SYNPO2: variants seen among roughly 807,000 people sequenced by gnomAD.
SYNPO2 encodes the protein synaptopodin-2.
A neutral mutation model predicts 85.0 loss-of-function variants in SYNPO2; 56 were observed. The ratio of observed to expected loss-of-function variants is 0.66; its 90% CI spans 0.53 to 0.82. SYNPO2 has a LOEUF of 0.82. Among genes scored for constraint, SYNPO2 ranks in the 40% least tolerant of loss-of-function variants. SYNPO2 has a pLI of 0.00. For missense variants in SYNPO2, 1,575 were observed against 1,534.2 expected (o/e 1.03, Z -0.44); for synonymous variants, 602 against 591.1 (o/e 1.02, Z -0.27).
Position 119,031,355 on chromosome 4 carries a change from A to G in SYNPO2, c.2580A>G (p.Gly860=), listed in dbSNP as rs1578661868. ...TVNAVQPGAV[G]PSNELPGMSG... ...ATGCTGTTCAGCCTGGTGCAGTGGG[A>G]CCATCCAATGAGCTTCCAGGAATGA... The change falls in exon 4 of 5, where the codon GGA becomes GGG. Residue 860 remains glycine, a synonymous_variant. Transcript: ENST00000307142. The G allele has an allele frequency of 1.2e-6, 2 of 1,614,058 alleles. No individual in the cohort carries two copies. The highest frequency in any genetic ancestry group is 1.3e-5 in the African/African-American group (1 of 74,932).
intron 1 of SYNPO2, among the ~76,000 whole-genome samples, chr4:118,989,051 C>T (rs1366934938): frequency 2.6e-5 from 4 of 152,128 alleles, no homozygotes; most frequent in Non-Finnish European, 5.9e-5. Context: ...TTGAATTAGG[C>T]CAGAGCTAGG....
At chr4:119,046,998 AG>A (rs1472877462) in intron 4 of SYNPO2, among the ~76,000 whole-genome samples, 1 of 152,246 alleles carries the variant, frequency 6.6e-6, no homozygotes, top group Non-Finnish European at 1.5e-5. Context: ...GCTACATACA[AG>A]ACCCTATCTC....
chr4:118,878,951 C>T (rs556098332), intron 1 of SYNPO2, among the ~76,000 whole-genome samples: 3 of 152,320 alleles, frequency 2.0e-5, no homozygotes, highest in East Asian at 3.9e-4. Flanking sequence ...CGCACTACCT[C>T]TAAGAGCTGT....
intron 1 of SYNPO2, among the ~76,000 whole-genome samples, chr4:118,984,395 T>G (rs1383347237): frequency 6.6e-6 from 1 of 152,236 alleles, no homozygotes; most frequent in East Asian, 1.9e-4. Flanking sequence ...CTTCAGTTAT[T>G]CTTCTGCTCA....
chr4:118,923,143 T>G (rs1382533110), intron 1 of SYNPO2, among the ~76,000 whole-genome samples: 1 of 152,034 alleles, frequency 6.6e-6, no homozygotes, highest in Non-Finnish European at 1.5e-5. Context: ...GGAATCAACC[T>G]AAATGCCCAT....
At chr4:118,913,432 A>G (rs1733204942) in intron 1 of SYNPO2, among the ~76,000 whole-genome samples, 1 of 152,190 alleles carries the variant, frequency 6.6e-6, no homozygotes. Flanking sequence ...AAACTTTTTC[A>G]AGAACATTCC....
chr4:118,855,852 G>C (rs1731496155), intron 1 of SYNPO2, among the ~76,000 whole-genome samples: 1 of 152,034 alleles, frequency 6.6e-6, no homozygotes, highest in Non-Finnish European at 1.5e-5. Context: ...ATGATTTCTT[G>C]CACACATATA....
intron 1 of SYNPO2, among the ~76,000 whole-genome samples, chr4:118,946,097 A>G (rs1279969951): frequency 6.6e-6 from 1 of 152,178 alleles, no homozygotes; most frequent in Non-Finnish European, 1.5e-5. Flanking sequence ...GCAAGATGAC[A>G]TAAGTGTAGG....
intron 1 of SYNPO2, among the ~76,000 whole-genome samples, chr4:118,877,580 C>T (rs749144835): frequency 7.2e-5 from 11 of 152,094 alleles, no homozygotes; most frequent in Admixed American, 3.9e-4. Flanking sequence ...AAGACATATA[C>T]GCGGCCAACA....
At chr4:119,044,309 C>T (rs1337070733) in intron 4 of SYNPO2, among the ~76,000 whole-genome samples, 4 of 152,202 alleles carry the variant, frequency 2.6e-5, no homozygotes, top group African/African-American at 7.2e-5. Context: ...GAAAATCCCA[C>T]ATAGTTTATG....
At chr4:119,001,066 A>G (rs946286942) in intron 1 of SYNPO2, among the ~76,000 whole-genome samples, 1 of 152,152 alleles carries the variant, frequency 6.6e-6, no homozygotes, top group Non-Finnish European at 1.5e-5. Context: ...AAGAGGTAAA[A>G]AGTCTCTCCA....
At chr4:118,905,993 T>A (rs1272322160) in intron 1 of SYNPO2, among the ~76,000 whole-genome samples, 1 of 152,222 alleles carries the variant, frequency 6.6e-6, no homozygotes, top group East Asian at 1.9e-4. Flanking sequence ...TCTTTGAAAG[T>A]AGGAACCCCA....
At chr4:118,989,815 G>A (rs1435715805) in intron 1 of SYNPO2, among the ~76,000 whole-genome samples, 1 of 152,122 alleles carries the variant, frequency 6.6e-6, no homozygotes, top group African/African-American at 2.4e-5. Context: ...GTTCACGCAG[G>A]GACACAGACA....
At chr4:118,977,051 A>G (rs922629740) in intron 1 of SYNPO2, among the ~76,000 whole-genome samples, 16 of 152,196 alleles carry the variant, frequency 1.1e-4, no homozygotes, top group Non-Finnish European at 1.8e-4. Flanking sequence ...GTGCGCTCGC[A>G]TTCCTCAGCC....
At chr4:118,897,635 A>C (rs1033773857) in intron 1 of SYNPO2, among the ~76,000 whole-genome samples, 3 of 152,178 alleles carry the variant, frequency 2.0e-5, no homozygotes, top group African/African-American at 7.2e-5. Context: ...TTCTTGAATC[A>C]CCTTTTAAAT....
At chr4:119,032,102 T>C (rs1738300856) in intron 4 of SYNPO2, 75 bp downstream of exon 4, 1 of 1,557,524 alleles carries the variant, frequency 6.4e-7, no homozygotes, top group Non-Finnish European at 8.7e-7. Context: ...AAATGAATTG[T>C]TTGCAGTGTT....
upstream of SYNPO2, among the ~76,000 whole-genome samples, chr4:118,886,242 T>G (rs547721501): frequency 1.1e-3 from 163 of 152,246 alleles, no homozygotes; most frequent in Admixed American, 2.5e-3. Flanking sequence ...CAGAGCTCAT[T>G]TTTTAAAAAT....
At position 119,008,426 on chromosome 4, in the gene SYNPO2, T is replaced by C. The variant is rs993021467; in HGVS notation, c.106-15004T>C. ...ACATTTGCGAGCACACTGGTTTAAA[T>C]TGCACAGGCTTTTTTTTTTTTTTCC... On this transcript the variant is annotated intron_variant, in intron 1 of 4. Transcript: ENST00000307142. 4.7e-5 allele frequency among the ~76,000 whole-genome samples: 7 copies of C among 149,484 alleles called. No individual in the cohort carries two copies. The South Asian group carries it at 6.3e-4, about 13-fold the overall frequency.
At chr4:118,962,062 G>T (rs892462986) in intron 1 of SYNPO2, among the ~76,000 whole-genome samples, 18 of 152,244 alleles carry the variant, frequency 1.2e-4, no homozygotes, top group African/African-American at 4.3e-4. Context: ...GTTCGCTTTT[G>T]CTCCCTTTCA....
Sources: gnomAD v4.1 joint callset for allele counts (sites outside exome capture counted in the v4.1 genomes callset) on GRCh38, gnomAD v4.1.1 for gene constraint, MANE v1.5 for transcripts, NCBI Gene and HGNC (gene_info 2026-07-23, HGNC 2026-07-21) for gene names.